The following GRIK3 variants were observed in gnomAD, a reference collection of about 807,000 sequenced individuals.
GRIK3 encodes the protein glutamate receptor ionotropic, kainate 3.
A neutral mutation model predicts 102.5 loss-of-function variants in GRIK3; 29 were observed. The ratio of observed to expected loss-of-function variants is 0.28; its 90% CI spans 0.21 to 0.39. GRIK3 has a LOEUF of 0.39. GRIK3 is among the 10% of genes least tolerant of loss of function. The probability of loss-of-function intolerance (pLI) is 1.00; values close to 1 mark genes in which losing one functional copy is unlikely to be tolerated. For synonymous variants in GRIK3, 511 were observed against 504.9 expected (o/e 1.01, Z -0.16); for missense variants, 908 against 1,252.4 (o/e 0.73, Z 4.15).
Position 36,841,949 on chromosome 1 carries a change from C to G in GRIK3, c.1327-10G>C. The G allele has an allele frequency of 6.2e-7, 1 of 1,611,734 alleles. No homozygotes were observed. The highest frequency in any genetic ancestry group is 8.5e-7 in the Non-Finnish European group (1 of 1,177,870). On this transcript the variant is annotated splice_polypyrimidine_tract_variant and intron_variant, in intron 9 of 15. Coordinates refer to ENST00000373091, the MANE Select transcript of GRIK3 (RefSeq NM_000831.4). ...TGACGAAGGGCTCCTCCTGCAGAGA[C>G]AGATGGGCAGGGTGTGACGAAGACT...
chr1:36,927,782 C>T (rs1359958396), intron 1 of GRIK3, among the ~76,000 whole-genome samples: 1 of 152,124 alleles, frequency 6.6e-6, no homozygotes, highest in Non-Finnish European at 1.5e-5. Flanking sequence ...TCAACAGGTT[C>T]CGAGAGGCTG....
chr1:36,876,951 G>A (rs1232760343), intron 3 of GRIK3, among the ~76,000 whole-genome samples: 1 of 152,190 alleles, frequency 6.6e-6, no homozygotes, highest in Non-Finnish European at 1.5e-5. Context: ...AAATATTGAA[G>A]GAAAGAGTAT....
chr1:36,883,082 G>A (rs976823941), intron 2 of GRIK3, among the ~76,000 whole-genome samples: 1 of 152,196 alleles, frequency 6.6e-6, no homozygotes, highest in Non-Finnish European at 1.5e-5. Flanking sequence ...AGGCCTGGCT[G>A]TCTCAAGGGC....
At chr1:36,842,352 A>G (rs115694394) in intron 9 of GRIK3, among the ~76,000 whole-genome samples, 31 of 152,182 alleles carry the variant, frequency 2.0e-4, no homozygotes, top group Non-Finnish European at 3.8e-4. Context: ...CTCAGGCCCC[A>G]CCCCAGACCT....
rs1642406573 is a variant in GRIK3, at chr1:36,799,366, T to A, written c.*2485A>T. On this transcript the variant is annotated 3_prime_UTR_variant, in exon 16 of 16. Coordinates refer to ENST00000373091, the MANE Select transcript of GRIK3 (RefSeq NM_000831.4). ...CTGTGACCTGGAACATATGTGTGTG[T>A]CCCACACACTCGGAAACTTCAACTC... 6.6e-6 allele frequency: 1 copy of A among 152,226 alleles called. No individual in the cohort carries two copies. Among genetic ancestry groups the A allele is most frequent in the African/African-American group, 2.4e-5 (1 of 41,430 alleles). 9.4% of individuals were successfully genotyped at this position (152,226 alleles called of 1,614,324 possible).
chr1:37,019,638 C>G (rs1642690430), intron 1 of GRIK3, among the ~76,000 whole-genome samples: 1 of 152,158 alleles, frequency 6.6e-6, no homozygotes, highest in Non-Finnish European at 1.5e-5. Context: ...ATCCCCTGAC[C>G]CTATGTACTC....
At chr1:36,878,000 C>T (rs535254951) in intron 3 of GRIK3, among the ~76,000 whole-genome samples, 1 of 152,346 alleles carries the variant, frequency 6.6e-6, no homozygotes, top group African/African-American at 2.4e-5. Context: ...TGTTTCTTCA[C>T]CCGTATACTC....
At chr1:36,986,468 A>T (rs932083246) in intron 1 of GRIK3, among the ~76,000 whole-genome samples, 2 of 142,160 alleles carry the variant, frequency 1.4e-5, no homozygotes, top group African/African-American at 5.3e-5. Flanking sequence ...CCATCAGCCC[A>T]TCCATCCATC....
intron 1 of GRIK3, among the ~76,000 whole-genome samples, chr1:36,931,470 C>T (rs1279435289): frequency 6.6e-6 from 1 of 152,192 alleles, no homozygotes; most frequent in East Asian, 1.9e-4. Context: ...TCATCCTTAA[C>T]ACATTTTGTA....
In GRIK3 at chr1:37,000,259, T is replaced by G. The variant is rs538716484; in HGVS notation, c.115+33735A>C. On this transcript the variant is annotated intron_variant, in intron 1 of 15. Coordinates refer to ENST00000373091, the MANE Select transcript of GRIK3 (RefSeq NM_000831.4). Reference sequence around the variant, plus strand: ...TTAAGGTTGACAAGACAGGTGTTATTTTTATTACCTTCATCACATACATGA... The same window carrying G: ...TTAAGGTTGACAAGACAGGTGTTATGTTTATTACCTTCATCACATACATGA... 2.0e-5 allele frequency among the ~76,000 whole-genome samples: 3 copies of G among 152,356 alleles called. No homozygotes were observed. The South Asian group carries it at 6.2e-4, about 32-fold the overall frequency.
intron 1 of GRIK3, among the ~76,000 whole-genome samples, chr1:37,003,160 T>C (rs1366951919): frequency 6.6e-6 from 1 of 152,012 alleles, no homozygotes; most frequent in Non-Finnish European, 1.5e-5. Context: ...TTGGACATCA[T>C]GACTTAACTA....
At chr1:36,828,564 G>A (rs1642780853) in intron 10 of GRIK3, among the ~76,000 whole-genome samples, 1 of 152,194 alleles carries the variant, frequency 6.6e-6, no homozygotes, top group Non-Finnish European at 1.5e-5. Context: ...TCATCTAGGT[G>A]TGTGGAAGTA....
intron 1 of GRIK3, among the ~76,000 whole-genome samples, chr1:36,907,833 T>G (rs1435397188): frequency 6.6e-6 from 1 of 152,130 alleles, no homozygotes; most frequent in Non-Finnish European, 1.5e-5. Context: ...GAGTGGGTTC[T>G]AGGCACAGGC....
chr1:36,955,651 G>A (rs963481446), intron 1 of GRIK3, among the ~76,000 whole-genome samples: 33 of 152,210 alleles, frequency 2.2e-4, no homozygotes, highest in Non-Finnish European at 4.6e-4. Context: ...TACTGAACAG[G>A]CTACCTCAAG....
chr1:36,802,154 C>A, intron 15 of GRIK3, 109 bp from the exon 16 acceptor site: 1 of 729,634 alleles, frequency 1.4e-6, no homozygotes, highest in South Asian at 2.0e-5. Flanking sequence ...CTAAGGTTAC[C>A]CGTCTTTCTC....
In GRIK3 at chr1:36,859,925, C is replaced by T. The variant is rs142393009; in HGVS notation, c.879G>A (p.Ser293=). 288 of 1,613,928 alleles carry T rather than the reference C, an allele frequency of 1.8e-4. 2 individuals are homozygous for T. The African/African-American group carries it at 2.7e-3, about 15-fold the overall frequency. Residue 293 remains serine (S), a synonymous_variant, in exon 6 of 16, where the codon TCG becomes TCA. Transcript: ENST00000373091. ...RILNVDNPHV[S]AIVEKWSMER... is the part of the protein sequence containing the mutation. Reference sequence around the variant, plus strand: ...CCATGGACCACTTCTCCACAATGGCCGAGACGTGTGGGTTGTCCACATTGA... The same window carrying T: ...CCATGGACCACTTCTCCACAATGGCTGAGACGTGTGGGTTGTCCACATTGA...
rs74064765 is a variant in GRIK3, at chr1:36,819,534, C to T, written c.1873+202G>A. On this transcript the variant is annotated intron_variant, in intron 12 of 15. Coordinates refer to ENST00000373091, the MANE Select transcript of GRIK3 (RefSeq NM_000831.4). This position sits in a 1 kb window ranked among gnomAD's most constrained non-coding sequence, Gnocchi z 4.1. ...CTTAGCTTTAGACCCTGAGCCAGCTCCAGCCAGAGTGAAGGTGGAAGTTAG... is the reference window on the plus strand; with the variant it reads ...CTTAGCTTTAGACCCTGAGCCAGCTTCAGCCAGAGTGAAGGTGGAAGTTAG... 9.3e-3 allele frequency among the ~76,000 whole-genome samples: 1,423 copies of T among 152,322 alleles called. 16 individuals are homozygous for T. The highest frequency in any genetic ancestry group is 0.031 in the African/African-American group (1,287 of 41,570).
At chr1:36,825,558 G>A (rs767704068) in intron 11 of GRIK3, 45 bp downstream of exon 11, 2 of 1,365,736 alleles carry the variant, frequency 1.5e-6, no homozygotes, top group South Asian at 2.8e-5. Flanking sequence ...CTAACCCCTA[G>A]ACCTTCAACC....
chr1:36,981,284 A>T (rs1009515174), intron 1 of GRIK3, among the ~76,000 whole-genome samples: 1 of 152,194 alleles, frequency 6.6e-6, no homozygotes, highest in Non-Finnish European at 1.5e-5. Context: ...AGGGGTTTGC[A>T]GTGCCCACCC....
Sources: allele counts gnomAD v4.1 joint callset (sites outside exome capture counted in the v4.1 genomes callset), GRCh38; gene constraint gnomAD v4.1.1; non-coding constraint Gnocchi (gnomAD v3.1); transcripts MANE v1.5; gene names NCBI Gene and HGNC (gene_info 2026-07-23, HGNC 2026-07-21).